The following ITIH2 variants were observed in gnomAD, a reference collection of about 807,000 sequenced individuals.
ITIH2 encodes inter-alpha-trypsin inhibitor heavy chain 2.
Under a neutral mutation model 104.4 loss-of-function variants are expected in ITIH2, and 103 were observed. The ratio of observed to expected loss-of-function variants is 0.99; its 90% CI spans 0.84 to 1.16. ITIH2 has a LOEUF of 1.16. ITIH2 is among the 50% of genes most tolerant of loss of function. The pLI is 0.00. For missense variants in ITIH2, 1,108 were observed against 1,162.4 expected, an observed-to-expected ratio of 0.95 and a Z score of 0.68; for synonymous variants, 436 against 435.4, an observed-to-expected ratio of 1.00 and a Z score of -0.02.
intron 20 of ITIH2, among the ~76,000 whole-genome samples, chr10:7,748,791 C>T (rs1835206338): frequency 6.6e-6 from 1 of 151,546 alleles, no homozygotes; most frequent in Non-Finnish European, 1.5e-5. Flanking sequence ...AGTGGTCCGC[C>T]CACCTCAGCC....
chr10:7,744,973 C>G lies in ITIH2; in HGVS notation c.2581+10C>G. On this transcript the variant is annotated intron_variant, in intron 19 of 20. Transcript: ENST00000358415. ...GCCCACGGACTAATAGGTAAAGTGT[C>G]TATTGACCATCTGACAAGGGTGGGG... The G allele has an allele frequency of 1.9e-6, 3 of 1,611,344 alleles. No homozygotes were observed. Among genetic ancestry groups the G allele is most frequent in the South Asian group, 1.1e-5 (1 of 90,824 alleles).
In ITIH2 at chr10:7,730,041, G is replaced by T. The variant is rs1316134756; in HGVS notation, c.1369G>T (p.Val457Leu). ...GTTCAGTTTGGGCATGGGATTTGAT[G>T]TGGACTATGATTTTTTGAAGAGACT... is the stretch of plus-strand genomic sequence containing the variant. The part of the protein sequence containing the change: ...SLFSLGMGFD[V>L]DYDFLKRLSN... The change falls in exon 12 of 21, where the codon GTG (valine) becomes TTG (leucine). Residue 457 changes from valine (V) to leucine (L), a missense_variant. By Grantham distance (32) the Val-to-Leu change is conservative. Coordinates refer to ENST00000358415, the MANE Select transcript of ITIH2 (RefSeq NM_002216.3). 3 of 1,612,802 alleles carry T rather than the reference G, an allele frequency of 1.9e-6. No individual in the cohort carries two copies. The Admixed American group carries it at 5.0e-5, about 27-fold the overall frequency.
At chr10:7,737,408 T>TAC (rs752008986) in intron 15 of ITIH2, among the ~76,000 whole-genome samples, 1 of 119,832 alleles carries the variant, frequency 8.3e-6, no homozygotes, top group Non-Finnish European at 1.7e-5. Context: ...ATATATCTCA[T>TAC]ATATATATAT....
intron 20 of ITIH2, among the ~76,000 whole-genome samples, chr10:7,747,268 G>T (rs987712245): frequency 6.6e-6 from 1 of 152,120 alleles, no homozygotes; most frequent in Non-Finnish European, 1.5e-5. Context: ...ATTTGATACC[G>T]TTTTAAAGCA....
chr10:7,744,070 T>C lies in ITIH2; in HGVS notation c.2210-12T>C. 6.2e-7 allele frequency: 1 copy of C among 1,608,712 alleles called. No homozygotes were observed. Among genetic ancestry groups the C allele is most frequent in the Non-Finnish European group, 8.5e-7 (1 of 1,175,898 alleles). On this transcript the variant is annotated splice_polypyrimidine_tract_variant and intron_variant, in intron 17 of 20. Coordinates refer to ENST00000358415, the MANE Select transcript of ITIH2 (RefSeq NM_002216.3). Reference sequence around the variant, plus strand: ...CACAGAAGAGAAAACATCATTTTTTTCTTTCCTGTAGGAATTGTAGTCAAC... The same window carrying C: ...CACAGAAGAGAAAACATCATTTTTTCCTTTCCTGTAGGAATTGTAGTCAAC...
At chr10:7,729,865 C>A (rs1218844283) in intron 11 of ITIH2, 87 bp from the exon 12 acceptor site, 2 of 859,886 alleles carry the variant, frequency 2.3e-6, no homozygotes, top group Non-Finnish European at 3.5e-6. Context: ...TCTGGACACA[C>A]TTTACTAAAC....
intron 16 of ITIH2, 93 bp downstream of exon 16, chr10:7,738,851 G>A (rs1010577050): frequency 5.4e-6 from 7 of 1,289,794 alleles, no homozygotes; most frequent in South Asian, 5.2e-5. Context: ...AGCGGCTCAC[G>A]CCTGTAATCG....
chr10:7,719,345 C>T (rs555831212), intron 6 of ITIH2, among the ~76,000 whole-genome samples: 3 of 152,320 alleles, frequency 2.0e-5, no homozygotes, highest in African/African-American at 7.2e-5. Context: ...GGGCACGTGA[C>T]TTGGCCAAGA....
Position 7,738,650 on chromosome 10 carries a change from C to G in ITIH2, c.1987C>G (p.Pro663Ala). 7 of 1,613,942 alleles carry G rather than the reference C, an allele frequency of 4.3e-6. No individual in the cohort carries two copies. In the South Asian group the frequency reaches 6.6e-5, roughly 15 times the overall value. Reference protein sequence around the residue: ...GALYYGSKVVPDSTPSWANPS... With the variant: ...GALYYGSKVVADSTPSWANPS... Reference sequence around the variant, plus strand: ...CCTGTATTACGGCAGCAAAGTGGTTCCAGATTCCACCCCGTCTTGGGCCAA... The same window carrying G: ...CCTGTATTACGGCAGCAAAGTGGTTGCAGATTCCACCCCGTCTTGGGCCAA... Residue 663 changes from proline to alanine, a missense_variant, in exon 16 of 21, where the codon CCA becomes GCA. Transcript: ENST00000358415.
At chr10:7,714,163 C>CTTTT (rs1564298974) in intron 5 of ITIH2, among the ~76,000 whole-genome samples, 16 of 125,660 alleles carry the variant, frequency 1.3e-4, no homozygotes, top group African/African-American at 4.0e-4. Flanking sequence ...TGCACACTCA[C>CTTTT]TATTTTTTTT....
chr10:7,744,321 C>T (rs765581369), intron 18 of ITIH2, 41 bp downstream of exon 18: 1 of 1,455,524 alleles, frequency 6.9e-7, no homozygotes, highest in South Asian at 1.2e-5. Flanking sequence ...GTCCGTGACA[C>T]ACGACTGCAT....
intron 13 of ITIH2, 54 bp downstream of exon 13, chr10:7,732,050 C>G (rs1835008856): frequency 7.2e-7 from 1 of 1,382,564 alleles, no homozygotes; most frequent in African/African-American, 1.4e-5. Flanking sequence ...TAGATACAGT[C>G]CCTCTTGAAT....
In ITIH2 at chr10:7,737,699, A is replaced by ATTCTATATT. The variant is rs1564305704; in HGVS notation, c.1958-922_1958-921insTTCTATATT. Among the ~76,000 whole-genome samples the ATTCTATATT allele has an allele frequency of 2.7e-4, 4 of 14,626 alleles. 2 individuals are homozygous for ATTCTATATT. The highest frequency in any genetic ancestry group is 9.1e-4 in the African/African-American group (2 of 2,192). 9.6% of individuals were successfully genotyped at this position (14,626 alleles called of 152,430 possible). On this transcript the variant is annotated intron_variant, in intron 15 of 20. Transcript: ENST00000358415. The stretch of plus-strand genomic sequence containing the variant: ...ATATTTTCTATATTATATTCTATAT[A>ATTCTATATT]ATATTCTATATTATATTCTATATAA...
chr10:7,705,157 T>C lies in ITIH2; in HGVS notation c.134T>C (p.Leu45Ser). 1 of 1,612,692 alleles carries C rather than the reference T, an allele frequency of 6.2e-7. No individual in the cohort carries two copies. Reference sequence around the variant, plus strand: ...GAACTGGCCCCAGGCAAATTTCAATTGGTGGCAGAGAACCGGAGATATCAG... The same window carrying C: ...GAACTGGCCCCAGGCAAATTTCAATCGGTGGCAGAGAACCGGAGATATCAG... The part of the protein sequence containing the change: ...LVELAPGKFQ[L>S]VAENRRYQRS... The change falls in exon 2 of 21, where the codon TTG becomes TCG. Residue 45 changes from leucine (L) to serine (S), a missense_variant. Transcript: ENST00000358415.
At chr10:7,747,638 A>G (rs917287984) in intron 20 of ITIH2, among the ~76,000 whole-genome samples, 5 of 151,958 alleles carry the variant, frequency 3.3e-5, no homozygotes, top group African/African-American at 1.2e-4. Context: ...TGTAATCCCA[A>G]TGCTTTGAGA....
At chr10:7,720,774 G>A in intron 6 of ITIH2, 82 bp from the exon 7 acceptor site, 1 of 836,048 alleles carries the variant, frequency 1.2e-6, no homozygotes, top group Admixed American at 1.8e-5. Context: ...AGCATCAGAG[G>A]ACTTATTTGT....
In ITIH2 at chr10:7,717,524, G is replaced by A. The variant is rs1220124007; in HGVS notation, c.468-102G>A. 3.8e-6 allele frequency: 4 copies of A among 1,050,606 alleles called. No individual in the cohort carries two copies. In the African/African-American group the frequency reaches 6.3e-5, roughly 16 times the overall value. 65.1% of individuals were successfully genotyped at this position (1,050,606 alleles called of 1,614,324 possible). On this transcript the variant is annotated intron_variant, in intron 5 of 20. Coordinates refer to ENST00000358415, the MANE Select transcript of ITIH2 (RefSeq NM_002216.3). ...GTTCACTTTCATGAACTACTGAGCA[G>A]AACGGACGGTCCAGGAAATTCTACA...
chr10:7,725,213 A>G (rs1834941291), intron 9 of ITIH2, among the ~76,000 whole-genome samples: 1 of 152,230 alleles, frequency 6.6e-6, no homozygotes, highest in Admixed American at 6.5e-5. Flanking sequence ...GTTAAAAACC[A>G]AGAGTGGCAA....
chr10:7,715,250 G>A (rs561409579), intron 5 of ITIH2, among the ~76,000 whole-genome samples: 56 of 152,030 alleles, frequency 3.7e-4, no homozygotes, highest in African/African-American at 1.3e-3. Context: ...GTGAAACCCC[G>A]TCTCTACTAA....
Sources: gnomAD v4.1 joint callset for allele counts (sites outside exome capture counted in the v4.1 genomes callset) on GRCh38, gnomAD v4.1.1 for gene constraint, MANE v1.5 for transcripts, NCBI Gene and HGNC (gene_info 2026-07-23, HGNC 2026-07-21) for gene names.